MTUS1: variants seen among roughly 807,000 people sequenced by gnomAD.
MTUS1 encodes the protein microtubule-associated tumor suppressor 1.
Under a neutral mutation model 120.8 loss-of-function variants are expected in MTUS1, and 109 were observed. The ratio of observed to expected loss-of-function variants is 0.90; its 90% CI spans 0.77 to 1.06. MTUS1 has a LOEUF of 1.06. MTUS1 is among the 50% of genes least tolerant of loss of function. The pLI is 0.00. For missense variants in MTUS1, 2,210 were observed against 1,486.3 expected (o/e 1.49, Z -8.01); for synonymous variants, 737 against 550.5 (o/e 1.34, Z -4.74).
At chr8:17,786,961 A>C (rs1487761398) in intron 1 of MTUS1, among the ~76,000 whole-genome samples, 1 of 152,216 alleles carries the variant, frequency 6.6e-6, no homozygotes, top group Non-Finnish European at 1.5e-5. Context: ...AGAAAATAAA[A>C]GTTGAATTTT....
chr8:17,659,060 A>C (rs879870949), intron 8 of MTUS1, among the ~76,000 whole-genome samples: 2 of 152,144 alleles, frequency 1.3e-5, no homozygotes, highest in Non-Finnish European at 2.9e-5. Context: ...GGACCCTCCT[A>C]AACATATAGA....
intron 3 of MTUS1, among the ~76,000 whole-genome samples, chr8:17,737,880 C>T (rs73580550): frequency 7.5e-4 from 114 of 152,258 alleles, no homozygotes; most frequent in African/African-American, 2.7e-3. Context: ...CATAATTTTG[C>T]TTACTGTCTC....
At chr8:17,658,024 G>GACACACACACACACACACACACACACAC (rs58132896) in intron 8 of MTUS1, among the ~76,000 whole-genome samples, 4 of 140,442 alleles carry the variant, frequency 2.8e-5, no homozygotes, top group Non-Finnish European at 6.1e-5. Context: ...TATATATATA[G>GACACACACACACACACACACACACACAC]ACACACACAC....
At position 17,755,548 on chromosome 8, in the gene MTUS1, C is replaced by G. The variant is rs536749460; in HGVS notation, c.260G>C (p.Ser87Thr). Residue 87 changes from serine to threonine, a missense_variant, in exon 2 of 15, where the codon AGT becomes ACT. By Grantham distance (58) the Ser-to-Thr change is moderately conservative. Coordinates refer to ENST00000693296, the MANE Select transcript of MTUS1 (RefSeq NM_001363059.2). ...VEVFGHEKSS[S>T]DFISKQVLDM... is the part of the protein sequence containing the mutation. ...TAACACCTGCTTACTAATGAAATCA[C>G]TAGAAGACTTTTCATGACCAAATAC... 2.3e-5 allele frequency: 37 copies of G among 1,614,208 alleles called. No homozygotes were observed. The South Asian group carries it at 3.0e-4, about 13-fold the overall frequency.
Position 17,721,958 on chromosome 8 carries a change from A to G in MTUS1, c.2449+1714T>C. 1.9e-6 allele frequency: 3 copies of G among 1,550,592 alleles called. No homozygotes were observed. The South Asian group carries it at 3.8e-5, about 20-fold the overall frequency. ...AAACTGCAGCCATGTTCACTCTCATATCCCTCATGCTTGCTCTTAGTGAAT... is the reference window on the plus strand; with the variant it reads ...AAACTGCAGCCATGTTCACTCTCATGTCCCTCATGCTTGCTCTTAGTGAAT... On this transcript the variant is annotated intron_variant, in intron 4 of 14. Transcript: ENST00000693296.
chr8:17,775,737 C>G (rs2050374576), intron 1 of MTUS1, among the ~76,000 whole-genome samples: 1 of 152,226 alleles, frequency 6.6e-6, no homozygotes, highest in Non-Finnish European at 1.5e-5. Context: ...GGACAAACAT[C>G]TGGACCCATG....
intron 4 of MTUS1, among the ~76,000 whole-genome samples, chr8:17,720,007 TAAG>T (rs34175702): frequency 0.16 from 24,314 of 152,010 alleles, 2,031 homozygotes; most frequent in African/African-American, 0.16. Flanking sequence ...GGCTGGAGGC[TAAG>T]AAAAGACAAA....
intron 7 of MTUS1, among the ~76,000 whole-genome samples, chr8:17,679,352 C>CGT (rs1322533728): frequency 7.4e-6 from 1 of 135,648 alleles, no homozygotes; most frequent in South Asian, 2.6e-4. Context: ...CATGTGTGCG[C>CGT]GCGCGTGTGT....
chr8:17,740,277 A>G (rs775392507), intron 3 of MTUS1, among the ~76,000 whole-genome samples: 7 of 152,182 alleles, frequency 4.6e-5, no homozygotes, highest in Admixed American at 1.3e-4. Context: ...TCCTTCTCAC[A>G]TTCATTTTAA....
intron 1 of MTUS1, among the ~76,000 whole-genome samples, chr8:17,781,649 C>T (rs1563383170): frequency 6.6e-6 from 1 of 152,176 alleles, no homozygotes; most frequent in Admixed American, 6.5e-5. Flanking sequence ...TAACCTCCCC[C>T]TACACACGCC....
intron 5 of MTUS1, among the ~76,000 whole-genome samples, chr8:17,714,967 G>A (rs1298651708): frequency 3.6e-5 from 5 of 139,358 alleles, no homozygotes; most frequent in South Asian, 2.4e-4. Context: ...GTGCAGTGGC[G>A]CGATCTCGGC....
chr8:17,721,274 G>C (rs1036315064), intron 4 of MTUS1, among the ~76,000 whole-genome samples: 1 of 152,164 alleles, frequency 6.6e-6, no homozygotes, highest in African/African-American at 2.4e-5. Context: ...TTCATGTTTT[G>C]AGGTAGCCTT....
At chr8:17,676,667 C>T (rs1419127418) in intron 7 of MTUS1, among the ~76,000 whole-genome samples, 1 of 152,150 alleles carries the variant, frequency 6.6e-6, no homozygotes, top group Non-Finnish European at 1.5e-5. Context: ...AAAAAACTGA[C>T]CCCCTCTGCA....
chr8:17,692,944 T>C (rs1378870054), intron 6 of MTUS1, among the ~76,000 whole-genome samples: 1 of 152,214 alleles, frequency 6.6e-6, no homozygotes, highest in African/African-American at 2.4e-5. Flanking sequence ...CACATGTTCC[T>C]CCCTTGCGCT....
At chr8:17,747,068 G>A (rs558490431) in intron 2 of MTUS1, among the ~76,000 whole-genome samples, 6 of 152,092 alleles carry the variant, frequency 3.9e-5, no homozygotes, top group Admixed American at 2.6e-4. Flanking sequence ...TGCCTGCTAG[G>A]GCAATCTCTC....
At position 17,751,558 on chromosome 8, in the gene MTUS1, A is replaced by T. The variant is rs531983329; in HGVS notation, c.2091+2159T>A. On this transcript the variant is annotated intron_variant, in intron 2 of 14. Transcript: ENST00000693296. ...AATTAGAGAGCACTGTGCTTCAGAC[A>T]TGATCGTGAAAAAAGAGTAGGCCGG... Among the ~76,000 whole-genome samples, 478 of 87,904 alleles carry T rather than the reference A, an allele frequency of 5.4e-3. 1 individual carries two copies. The highest frequency in any genetic ancestry group is 0.013 in the African/African-American group (455 of 34,108). 57.7% of individuals were successfully genotyped at this position (87,904 alleles called of 152,430 possible). A position where few individuals can be genotyped will look rare whatever the true frequency, so the allele number is the denominator to read the frequency against.
chr8:17,663,137 C>A (rs1414156159), intron 8 of MTUS1, among the ~76,000 whole-genome samples: 1 of 152,152 alleles, frequency 6.6e-6, no homozygotes, highest in African/African-American at 2.4e-5. Context: ...TGGAAAATGC[C>A]CAGTGCCACA....
Position 17,643,835 on chromosome 8 carries a change from T to C in MTUS1, c.*2091A>G, listed in dbSNP as rs930285644. ...TCCAGCATTATTTATTTGATCAGAG[T>C]AAAATACACTTCCCATCACTACAAA... On this transcript the variant is annotated 3_prime_UTR_variant, in exon 15 of 15. Coordinates refer to ENST00000693296, the MANE Select transcript of MTUS1 (RefSeq NM_001363059.2). 1 of 152,200 alleles carries C rather than the reference T, an allele frequency of 6.6e-6. No individual in the cohort carries two copies. Among genetic ancestry groups the C allele is most frequent in the East Asian group, 1.9e-4 (1 of 5,196 alleles). 9.4% of individuals were successfully genotyped at this position (152,200 alleles called of 1,614,324 possible).
chr8:17,711,142 T>C (rs1315250433), intron 6 of MTUS1, among the ~76,000 whole-genome samples: 1 of 152,214 alleles, frequency 6.6e-6, no homozygotes, highest in African/African-American at 2.4e-5. Flanking sequence ...GAATGGTAAG[T>C]GAACGTCAGC....
Sources: allele counts gnomAD v4.1 joint callset (sites outside exome capture counted in the v4.1 genomes callset), GRCh38; gene constraint gnomAD v4.1.1; transcripts MANE v1.5; gene names NCBI Gene and HGNC (gene_info 2026-07-23, HGNC 2026-07-21).